The following ATP2B2 variants were observed in gnomAD, a reference collection of about 807,000 sequenced individuals.
The protein encoded by ATP2B2 is ATPase plasma membrane Ca2+ transporting 2, also known as plasma membrane calcium-transporting ATPase 2.
In ATP2B2, 15 loss-of-function variants were observed where a neutral mutation model predicts 120.0. The ratio of observed to expected loss-of-function variants is 0.12; its 90% confidence interval spans 0.08 to 0.19. The LOEUF is 0.19. ATP2B2 is among the 10% of genes least tolerant of loss of function. The pLI is 1.00. For synonymous variants in ATP2B2, 694 were observed against 700.3 expected (o/e 0.99, Z 0.14); for missense variants, 1,045 against 1,719.8 (o/e 0.61, Z 6.94).
At chr3:10,472,474 T>C (rs1280945886) in intron 1 of ATP2B2, among the ~76,000 whole-genome samples, 3 of 152,278 alleles carry the variant, frequency 2.0e-5, no homozygotes, top group African/African-American at 4.8e-5. Context: ...TGGCCTGAAA[T>C]GGCATAGCTC....
chr3:10,559,132 C>T (rs1575495664), intron 2 of ATP2B2, among the ~76,000 whole-genome samples: 1 of 152,288 alleles, frequency 6.6e-6, no homozygotes, highest in East Asian at 1.9e-4. Flanking sequence ...GTAAGATGAA[C>T]GATATTAACT....
chr3:10,464,110 G>A (rs535224964), intron 1 of ATP2B2, among the ~76,000 whole-genome samples: 1 of 152,202 alleles, frequency 6.6e-6, no homozygotes, highest in Non-Finnish European at 1.5e-5. Flanking sequence ...GACTAGCTCT[G>A]TAGCTCTTCC....
intron 2 of ATP2B2, among the ~76,000 whole-genome samples, chr3:10,427,876 T>C (rs575851145): frequency 1.8e-4 from 28 of 152,346 alleles, no homozygotes; most frequent in African/African-American, 6.7e-4. Context: ...TGAAGGCCTG[T>C]TTGGGTCTGC....
Position 10,499,931 on chromosome 3 carries a change from C to CTTTT in ATP2B2, c.-320+5530_-320+5533dup, listed in dbSNP as rs57211710. Among the ~76,000 whole-genome samples the CTTTT allele has an allele frequency of 4.0e-4, 47 of 117,560 alleles. 2 individuals carry two copies. The highest frequency in any genetic ancestry group is 8.0e-4 in the African/African-American group (23 of 28,598). The allele number at this position is 117,560 out of a possible 152,430, so 77.1% of individuals were successfully genotyped here. A position where few individuals can be genotyped will look rare whatever the true frequency, so the allele number is the denominator to read the frequency against. On this transcript the variant is annotated intron_variant, in intron 1 of 22. Transcript: ENST00000360273. ...ACTTGCTGTGTGACTTGGGCACATTCTTTTTTTTTTTTTTTTTTTTTTGAG... is the reference window on the plus strand; with the variant it reads ...ACTTGCTGTGTGACTTGGGCACATTCTTTTTTTTTTTTTTTTTTTTTTTTTTGAG...
At chr3:10,544,595 G>T (rs2067505442) in intron 2 of ATP2B2, among the ~76,000 whole-genome samples, 1 of 152,208 alleles carries the variant, frequency 6.6e-6, no homozygotes, top group Non-Finnish European at 1.5e-5. Flanking sequence ...GGGAGGCTCA[G>T]ATTTTAATGG....
intron 1 of ATP2B2, among the ~76,000 whole-genome samples, chr3:10,502,161 T>C (rs1205666558): frequency 6.6e-6 from 1 of 152,208 alleles, no homozygotes; most frequent in Admixed American, 6.5e-5. Context: ...AGAGATTTCT[T>C]TCCTTTTTTC....
chr3:10,341,315 GTTTT>G (rs1269715939), intron 19 of ATP2B2, among the ~76,000 whole-genome samples: 1 of 152,012 alleles, frequency 6.6e-6, no homozygotes, highest in African/African-American at 2.4e-5. Context: ...TTTTTGTTTT[GTTTT>G]GTTTTGTTTT....
chr3:10,618,265 C>T (rs981376103), intron 2 of ATP2B2, among the ~76,000 whole-genome samples: 1 of 152,198 alleles, frequency 6.6e-6, no homozygotes, highest in African/African-American at 2.4e-5. Context: ...TCCTCGCCTG[C>T]AGAACGGGGA....
chr3:10,596,835 T>C (rs2068775656), intron 2 of ATP2B2, among the ~76,000 whole-genome samples: 1 of 152,188 alleles, frequency 6.6e-6, no homozygotes, highest in Non-Finnish European at 1.5e-5. Context: ...CAAGAAAATC[T>C]TTCCCAAACG....
At chr3:10,396,920 C>T (rs1028959698) in intron 5 of ATP2B2, among the ~76,000 whole-genome samples, 85 of 152,278 alleles carry the variant, frequency 5.6e-4, no homozygotes, top group African/African-American at 1.9e-3. Flanking sequence ...TCTGTTTCAC[C>T]CCCAAGTCCA....
Position 10,615,189 on chromosome 3 carries a change from T to C in ATP2B2, c.-415+4728A>G, listed in dbSNP as rs112878246. On this transcript the variant is annotated intron_variant, in intron 2 of 21. Coordinates refer to the ATP2B2 transcript ENST00000646379. The stretch of plus-strand genomic sequence containing the variant: ...AGGACATCAGGAAGCTGCTGGAGGG[T>C]TACAGTCAGGGAGTGATGCGAGCAG... Among the ~76,000 whole-genome samples, 296 of 152,080 alleles carry C rather than the reference T, an allele frequency of 1.9e-3. 4 individuals carry two copies. The highest frequency in any genetic ancestry group is 6.9e-3 in the African/African-American group (287 of 41,484).
intron 10 of ATP2B2, among the ~76,000 whole-genome samples, chr3:10,377,266 C>T (rs80170679): frequency 1.3e-5 from 2 of 152,164 alleles, no homozygotes; most frequent in African/African-American, 4.8e-5. Flanking sequence ...TAGCTCTCCA[C>T]CCCCACCTCC....
chr3:10,354,593 C>T (rs1362557511), intron 14 of ATP2B2, among the ~76,000 whole-genome samples: 1 of 152,176 alleles, frequency 6.6e-6, no homozygotes, highest in Non-Finnish European at 1.5e-5. Context: ...ATGGCTTTAT[C>T]AGCACTGACT....
At chr3:10,367,494 A>G (rs2061098639) in intron 12 of ATP2B2, among the ~76,000 whole-genome samples, 1 of 152,154 alleles carries the variant, frequency 6.6e-6, no homozygotes, top group Non-Finnish European at 1.5e-5. Context: ...AAGCTCAGAA[A>G]GAGCAGCAGA....
chr3:10,512,464 G>GCGCGCGTGCACACA (rs749056818), intron 3 of ATP2B2, among the ~76,000 whole-genome samples: 1 of 136,926 alleles, frequency 7.3e-6, no homozygotes. Context: ...AAGTGTGTGC[G>GCGCGCGTGCACACA]CACACACACA....
At chr3:10,417,063 C>T (rs1344418951) in intron 2 of ATP2B2, among the ~76,000 whole-genome samples, 15 of 76,192 alleles carry the variant, frequency 2.0e-4, no homozygotes, top group Admixed American at 9.1e-4. Flanking sequence ...ACTTCCCAGA[C>T]GGCGGCGGGG....
intron 1 of ATP2B2, among the ~76,000 whole-genome samples, chr3:10,696,387 C>T (rs1033215112): frequency 6.6e-6 from 1 of 152,136 alleles, no homozygotes; most frequent in African/African-American, 2.4e-5. Context: ...GGATGAGCTG[C>T]GATTGATTCC....
intron 2 of ATP2B2, among the ~76,000 whole-genome samples, chr3:10,415,336 C>T (rs1173144493): frequency 2.0e-5 from 3 of 152,146 alleles, no homozygotes; most frequent in South Asian, 2.1e-4. Context: ...TTAAGCCAGA[C>T]GTTCTGGAGA....
intron 2 of ATP2B2, among the ~76,000 whole-genome samples, chr3:10,419,953 G>A (rs1171994904): frequency 2.0e-5 from 3 of 152,226 alleles, no homozygotes; most frequent in Admixed American, 6.5e-5. Flanking sequence ...AATGGTGAGT[G>A]CTTTCTGGGG....
Sources: gnomAD v4.1 joint callset for allele counts (sites outside exome capture counted in the v4.1 genomes callset) on GRCh38, gnomAD v4.1.1 for gene constraint, MANE v1.5 for transcripts, NCBI Gene and HGNC (gene_info 2026-07-23, HGNC 2026-07-21) for gene names.